Variants in MYO5B observed in about 807,000 individuals in gnomAD.
MYO5B encodes myosin VB.
In MYO5B, 143 loss-of-function variants were observed where a neutral mutation model predicts 229.3. The observed-to-expected ratio is 0.62, with a 90% confidence interval of 0.54 to 0.72. The LOEUF is 0.72. MYO5B is among the 30% of genes least tolerant of loss of function. The pLI, the probability that MYO5B is intolerant of heterozygous loss-of-function variation, is 0.00. For missense variants in MYO5B, 2,321 were observed against 2,331.0 expected, an observed-to-expected ratio of 1.00 and a Z score of 0.09; for synonymous variants, 918 against 885.2, an observed-to-expected ratio of 1.04 and a Z score of -0.66.
At chr18:49,896,973 G>A (rs899846148) in intron 21 of MYO5B, among the ~76,000 whole-genome samples, 6 of 152,202 alleles carry the variant, frequency 3.9e-5, no homozygotes, top group Admixed American at 2.0e-4. Flanking sequence ...CAAGATTAGG[G>A]AGATAAAGTA....
intron 2 of MYO5B, among the ~76,000 whole-genome samples, chr18:50,045,593 C>T (rs1482349933): frequency 6.6e-6 from 1 of 152,140 alleles, no homozygotes; most frequent in African/African-American, 2.4e-5. Context: ...AGGGTTTCAC[C>T]ATGTTGCCCA....
Position 49,836,847 on chromosome 18 carries a change from C to G in MYO5B, c.5177G>C (p.Arg1726Thr). The change falls in exon 38 of 40, where the codon AGA (arginine) becomes ACA (threonine). Residue 1726 changes from arginine (R) to threonine (T), a missense_variant. This residue lies in a region of MYO5B where 208 missense variants were observed against 286.3 expected (regional missense o/e 0.73). Transcript: ENST00000285039. ...AACTGCTCCACTCTGGTGAAGGTTTCTTCCCCGAAGCCACTCCTCAAGCTG... is the reference window on the plus strand; with the variant it reads ...AACTGCTCCACTCTGGTGAAGGTTTGTTCCCCGAAGCCACTCCTCAAGCTG... ...ISQLEEWLRG[R>T]NLHQSGAVQT... The G allele has an allele frequency of 6.2e-7, 1 of 1,614,180 alleles. No homozygotes were observed. Among genetic ancestry groups the G allele is most frequent in the South Asian group, 1.1e-5 (1 of 91,086 alleles).
At chr18:50,099,288 A>G (rs1331045226) in intron 1 of MYO5B, 2 of 152,328 alleles carry the variant, frequency 1.3e-5, no homozygotes, top group East Asian at 3.8e-4. Flanking sequence ...ATGTCAAGCA[A>G]TAATGAGAAG....
intron 23 of MYO5B, chr18:49,879,359 T>C (rs2024561750): frequency 2.1e-6 from 1 of 481,092 alleles, no homozygotes; most frequent in East Asian, 4.2e-5. Flanking sequence ...CCTCAGTTGA[T>C]GCCCCAGCCT....
intron 1 of MYO5B, among the ~76,000 whole-genome samples, chr18:50,166,203 C>T (rs1419716054): frequency 6.6e-6 from 1 of 152,160 alleles, no homozygotes; most frequent in Non-Finnish European, 1.5e-5. Context: ...ATGAGCAATT[C>T]CTCAGGGTGA....
At chr18:50,040,118 C>A (rs1021198625) in intron 3 of MYO5B, 25 bp downstream of exon 3, 7 of 1,613,406 alleles carry the variant, frequency 4.3e-6, no homozygotes, top group Non-Finnish European at 5.9e-6. Flanking sequence ...CCAACGCATG[C>A]AGCCAACAGA....
At chr18:49,879,340 T>C in intron 23 of MYO5B, 1 of 520,302 alleles carries the variant, frequency 1.9e-6, no homozygotes, top group South Asian at 2.1e-5. Context: ...GCAGCGTAGG[T>C]GAGAATTCCC....
chr18:50,165,315 T>C (rs2032830147), intron 1 of MYO5B, among the ~76,000 whole-genome samples: 2 of 152,068 alleles, frequency 1.3e-5, no homozygotes, highest in South Asian at 4.1e-4. Context: ...AAACCCCATC[T>C]TTACCAAAAA....
At chr18:49,981,873 T>C (rs534276154) in intron 8 of MYO5B, among the ~76,000 whole-genome samples, 2 of 152,282 alleles carry the variant, frequency 1.3e-5, no homozygotes, top group African/African-American at 4.8e-5. Flanking sequence ...GAAGACAGAT[T>C]AAAGCCAGAG....
chr18:50,057,115 G>C (rs1344111663), intron 1 of MYO5B, among the ~76,000 whole-genome samples: 1 of 152,242 alleles, frequency 6.6e-6, no homozygotes, highest in South Asian at 2.1e-4. Context: ...TACCTCCAGA[G>C]AAAACCTTCT....
rs7231481 is a variant in MYO5B at position 49,925,337 on chromosome 18, C to G, written c.2090+4175G>C. 3.2e-3 allele frequency among the ~76,000 whole-genome samples: 486 copies of G among 152,314 alleles called. 6 individuals are homozygous for G. The highest frequency in any genetic ancestry group is 0.011 in the African/African-American group (459 of 41,572). ...GGAAGCTCCCGCCTTCCGGTTGTCC[C>G]ACTTGTCTGAACCAAACCATTGTAT... On this transcript the variant is annotated intron_variant, in intron 17 of 39. Coordinates refer to ENST00000285039, the MANE Select transcript of MYO5B (RefSeq NM_001080467.3).
At chr18:50,088,227 A>G (rs997697454) in intron 1 of MYO5B, among the ~76,000 whole-genome samples, 1 of 152,150 alleles carries the variant, frequency 6.6e-6, no homozygotes, top group African/African-American at 2.4e-5. Context: ...GAGGACCCCA[A>G]ACACCCTGCT....
At chr18:49,974,064 AG>A (rs1471254501) in intron 10 of MYO5B, among the ~76,000 whole-genome samples, 1 of 152,222 alleles carries the variant, frequency 6.6e-6, no homozygotes, top group Non-Finnish European at 1.5e-5. Flanking sequence ...TCACTTTCTC[AG>A]GTGTAAAAAC....
At chr18:49,830,389 T>C (rs2023900991) in intron 39 of MYO5B, among the ~76,000 whole-genome samples, 1 of 152,144 alleles carries the variant, frequency 6.6e-6, no homozygotes, top group Non-Finnish European at 1.5e-5. Context: ...AGACACCCCA[T>C]GTTCATGTAC....
At chr18:50,081,494 A>G (rs1378089544) in intron 1 of MYO5B, among the ~76,000 whole-genome samples, 10 of 152,256 alleles carry the variant, frequency 6.6e-5, no homozygotes, top group South Asian at 2.1e-4. Context: ...GGAAAACACT[A>G]TGAGAGAGAA....
chr18:49,891,848 G>A (rs1288933564), intron 22 of MYO5B, among the ~76,000 whole-genome samples: 2 of 152,220 alleles, frequency 1.3e-5, no homozygotes, highest in African/African-American at 2.4e-5. Context: ...TATGACTGAT[G>A]TCTTGATACA....
chr18:49,997,590 T>C (rs1467157110), intron 5 of MYO5B, among the ~76,000 whole-genome samples: 1 of 152,024 alleles, frequency 6.6e-6, no homozygotes, highest in African/African-American at 2.4e-5. Flanking sequence ...CTCTTGATTA[T>C]CAATGTTCTT....
intron 17 of MYO5B, among the ~76,000 whole-genome samples, chr18:49,924,018 G>C (rs571538232): frequency 6.6e-6 from 1 of 152,244 alleles, no homozygotes; most frequent in East Asian, 1.9e-4. Context: ...ACAGTTTCTT[G>C]TACAGTGATC....
chr18:49,969,073 T>A (rs925472391), intron 10 of MYO5B, among the ~76,000 whole-genome samples: 1 of 152,174 alleles, frequency 6.6e-6, no homozygotes, highest in African/African-American at 2.4e-5. Flanking sequence ...CAGCTTCCGA[T>A]GATCTGCAAG....
Sources: gnomAD v4.1 joint callset for allele counts (sites outside exome capture counted in the v4.1 genomes callset) on GRCh38, gnomAD v4.1.1 for gene constraint, gnomAD v4.1.1 regional missense constraint, MANE v1.5 for transcripts, NCBI Gene and HGNC (gene_info 2026-07-23, HGNC 2026-07-21) for gene names.